Variants in GPHN observed in about 807,000 individuals in gnomAD.
GPHN encodes gephyrin.
GPHN carries 17 observed loss-of-function variants against 95.5 expected under a neutral mutation model. The observed-to-expected ratio is 0.18, with a 90% CI of 0.12 to 0.27. The LOEUF is 0.27. Among genes scored for constraint, GPHN ranks in the 10% least tolerant of loss-of-function variants. GPHN has a pLI of 1.00. For missense variants in GPHN, 660 were observed against 978.1 expected (o/e 0.67, Z 4.34); for synonymous variants, 320 against 322.5 (o/e 0.99, Z 0.08).
Position 67,055,047 on chromosome 14 carries a change from G to T in GPHN, c.1007-3602G>T, listed in dbSNP as rs1395031965. Among the ~76,000 whole-genome samples, 5 of 152,206 alleles carry T rather than the reference G, an allele frequency of 3.3e-5. No homozygotes were observed. The East Asian group carries it at 7.7e-4, about 23-fold the overall frequency. The stretch of plus-strand genomic sequence containing the variant: ...GGACATAGATACGGACAAAGATTTC[G>T]TGACAAAAACGTCAAAAGCAATTGC... On this transcript the variant is annotated intron_variant, in intron 10 of 22. Transcript: ENST00000478722.
the GPHN span, among the ~76,000 whole-genome samples, chr14:67,313,168 G>T: frequency 6.6e-6 from 1 of 152,090 alleles, no homozygotes; most frequent in Non-Finnish European, 1.5e-5. Flanking sequence ...TTTTATTGAT[G>T]AAACTATCCC....
At chr14:66,965,360 T>C (rs753788292) in intron 9 of GPHN, 35 bp downstream of exon 9, 3 of 1,598,060 alleles carry the variant, frequency 1.9e-6, no homozygotes, top group South Asian at 1.1e-5. Context: ...ACACCTGCTC[T>C]TCTATAGTAA....
intron 1 of GPHN, among the ~76,000 whole-genome samples, chr14:66,581,716 A>G (rs1348341131): frequency 6.6e-6 from 1 of 151,986 alleles, no homozygotes; most frequent in Non-Finnish European, 1.5e-5. Flanking sequence ...ATCCATGCTG[A>G]TGGAAACCAA....
the GPHN span, among the ~76,000 whole-genome samples, chr14:67,243,211 CAT>C: frequency 1.3e-5 from 2 of 150,706 alleles, no homozygotes; most frequent in South Asian, 2.1e-4. Context: ...TTTTGTGAGA[CAT>C]AGTCTCGCTC....
the GPHN span, among the ~76,000 whole-genome samples, chr14:67,618,008 C>T: frequency 4.6e-5 from 7 of 152,098 alleles, no homozygotes; most frequent in Non-Finnish European, 8.8e-5. Context: ...TGTGAGCCAC[C>T]GCGCCCAGCG....
At chr14:66,919,462 G>A (rs921068947) in intron 6 of GPHN, among the ~76,000 whole-genome samples, 1 of 152,012 alleles carries the variant, frequency 6.6e-6, no homozygotes, top group African/African-American at 2.4e-5. Flanking sequence ...AAGCCCAAAC[G>A]GGCTCAATCT....
chr14:66,864,941 A>C (rs996362351), intron 4 of GPHN, among the ~76,000 whole-genome samples: 1 of 152,196 alleles, frequency 6.6e-6, no homozygotes, highest in Non-Finnish European at 1.5e-5. Context: ...GGCCATATAA[A>C]GAATAAGAAC....
At chr14:66,958,982 CTA>C (rs1401101670) in intron 8 of GPHN, among the ~76,000 whole-genome samples, 1 of 151,924 alleles carries the variant, frequency 6.6e-6, no homozygotes, top group Non-Finnish European at 1.5e-5. Context: ...CTTTTACTAA[CTA>C]TTATTTAGTT....
chr14:66,837,372 C>G (rs1422970745), intron 4 of GPHN, among the ~76,000 whole-genome samples: 1 of 142,042 alleles, frequency 7.0e-6, no homozygotes, highest in African/African-American at 2.7e-5. Flanking sequence ...CATGTTCTCA[C>G]TCATAGGTGG....
the GPHN span, chr14:67,454,636 CA>C: frequency 6.6e-6 from 1 of 152,176 alleles, no homozygotes; most frequent in African/African-American, 2.4e-5. Context: ...GAAGAAAAGC[CA>C]AGTGTTCTCT....
chr14:67,263,576 G>A, the GPHN span, among the ~76,000 whole-genome samples: 4 of 152,116 alleles, frequency 2.6e-5, no homozygotes, highest in Non-Finnish European at 5.9e-5. Flanking sequence ...TAAGACTAAA[G>A]AAAAATAATG....
the GPHN span, among the ~76,000 whole-genome samples, chr14:67,669,429 T>G: frequency 3.3e-3 from 490 of 149,126 alleles, 17 homozygotes; most frequent in East Asian, 0.08. Flanking sequence ...AGCACCACAC[T>G]ACTCAGCTTT....
chr14:66,780,231 C>G (rs963410849), intron 3 of GPHN, among the ~76,000 whole-genome samples: 1 of 151,998 alleles, frequency 6.6e-6, no homozygotes, highest in Non-Finnish European at 1.5e-5. Context: ...TCTCAGATTA[C>G]CAAATATCCA....
At chr14:66,843,198 T>C (rs567887425) in intron 4 of GPHN, among the ~76,000 whole-genome samples, 4 of 152,276 alleles carry the variant, frequency 2.6e-5, no homozygotes, top group African/African-American at 9.6e-5. Flanking sequence ...CTTCACTCAC[T>C]GGTGCTTTGT....
chr14:67,679,409 T>G, the GPHN span, among the ~76,000 whole-genome samples: 4 of 151,844 alleles, frequency 2.6e-5, no homozygotes, highest in South Asian at 2.1e-4. Flanking sequence ...TCCAAGTTTT[T>G]TTTTTTTTTT....
At chr14:66,771,285 A>T (rs984975864) in intron 2 of GPHN, among the ~76,000 whole-genome samples, 3 of 151,974 alleles carry the variant, frequency 2.0e-5, no homozygotes, top group African/African-American at 7.3e-5. Context: ...TTCCCTCCTT[A>T]CCTAGCTTAC....
the GPHN span, among the ~76,000 whole-genome samples, chr14:67,228,027 G>T: frequency 6.6e-6 from 1 of 152,042 alleles, no homozygotes; most frequent in Non-Finnish European, 1.5e-5. Context: ...AAAATCACCT[G>T]GATGTGGTGG....
At chr14:66,689,670 T>A (rs919475797) in intron 2 of GPHN, among the ~76,000 whole-genome samples, 2 of 152,188 alleles carry the variant, frequency 1.3e-5, no homozygotes, top group African/African-American at 4.8e-5. Flanking sequence ...AGTGAAGCCA[T>A]AGGGTCCCAG....
chr14:67,549,810 C>T, the GPHN span, among the ~76,000 whole-genome samples: 1 of 152,244 alleles, frequency 6.6e-6, no homozygotes, highest in Admixed American at 6.5e-5. Flanking sequence ...CATCCACAAG[C>T]GCTTTCTTTA....
Sources: gnomAD v4.1 joint callset for allele counts (sites outside exome capture counted in the v4.1 genomes callset) on GRCh38, gnomAD v4.1.1 for gene constraint, MANE v1.5 for transcripts, NCBI Gene and HGNC (gene_info 2026-07-23, HGNC 2026-07-21) for gene names.